Variants in GALNT2 observed in about 807,000 individuals in gnomAD.
GALNT2 encodes the protein UDP-GalNAc:polypeptide N-acetylgalactosaminyltransferase 2.
A neutral mutation model predicts 81.4 loss-of-function variants in GALNT2; 31 were observed. The observed-to-expected ratio is 0.38, with a 90% CI of 0.29 to 0.51. GALNT2 has a LOEUF of 0.51. Among genes scored for constraint, GALNT2 ranks in the 20% least tolerant of loss-of-function variants. GALNT2 has a pLI of 0.87. For missense variants in GALNT2, 629 were observed against 765.7 expected (o/e 0.82, Z 2.11); for synonymous variants, 303 against 287.4 (o/e 1.05, Z -0.55).
chr1:230,246,005 T>C (rs536039518), intron 7 of GALNT2, 58 bp from the exon 8 acceptor site: 1 of 1,401,168 alleles, frequency 7.1e-7, no homozygotes, highest in Admixed American at 1.7e-5. Flanking sequence ...CTTCTGTGGT[T>C]GGGCAGGTTT....
intron 1 of GALNT2, among the ~76,000 whole-genome samples, chr1:230,177,430 T>TATAA (rs1663018542): frequency 6.6e-6 from 1 of 152,274 alleles, no homozygotes; most frequent in Admixed American, 6.5e-5. Flanking sequence ...ATGGCTTATT[T>TATAA]CTGATTTGGG....
At chr1:230,064,377 G>A (rs1659116184), upstream of GALNT2, among the ~76,000 whole-genome samples, 1 of 152,218 alleles carries the variant, frequency 6.6e-6, no homozygotes, top group Admixed American at 6.5e-5. Flanking sequence ...TTCCTCAGCT[G>A]TCTCTTGGTT....
At chr1:230,199,301 G>A (rs921896300) in intron 2 of GALNT2, among the ~76,000 whole-genome samples, 1 of 152,116 alleles carries the variant, frequency 6.6e-6, no homozygotes, top group African/African-American at 2.4e-5. Flanking sequence ...GCTGGGACGC[G>A]TGTGCCCTCT....
intron 3 of GALNT2, among the ~76,000 whole-genome samples, chr1:230,223,490 A>T (rs1439382391): frequency 1.3e-5 from 2 of 150,930 alleles, no homozygotes; most frequent in Non-Finnish European, 2.9e-5. Flanking sequence ...TTTTTTTGAG[A>T]TGGAGTCTTA....
chr1:230,075,656 CT>C, intron 1 of GALNT2, among the ~76,000 whole-genome samples: 1 of 152,272 alleles, frequency 6.6e-6, no homozygotes, highest in East Asian at 1.9e-4. Context: ...ACACGGAATC[CT>C]TGTGGTCTTG....
intron 1 of GALNT2, among the ~76,000 whole-genome samples, chr1:230,106,822 A>G (rs1051401075): frequency 1.3e-5 from 2 of 152,220 alleles, no homozygotes; most frequent in Non-Finnish European, 2.9e-5. Context: ...TCATGCTCAC[A>G]GGTGCCTTAG....
intron 1 of GALNT2, among the ~76,000 whole-genome samples, chr1:230,082,727 A>G (rs1178321736): frequency 6.6e-6 from 1 of 152,240 alleles, no homozygotes; most frequent in Non-Finnish European, 1.5e-5. Flanking sequence ...TACGCACTGG[A>G]GTGCTAGTTA....
At chr1:230,204,897 C>T (rs1664013658) in intron 3 of GALNT2, among the ~76,000 whole-genome samples, 1 of 152,128 alleles carries the variant, frequency 6.6e-6, no homozygotes, top group Non-Finnish European at 1.5e-5. Flanking sequence ...GCAGGTGCAC[C>T]AGGAAGTGAG....
At chr1:230,228,668 T>C (rs1299897172) in intron 3 of GALNT2, among the ~76,000 whole-genome samples, 1 of 152,074 alleles carries the variant, frequency 6.6e-6, no homozygotes, top group Admixed American at 6.5e-5. Flanking sequence ...CCTGCACCCA[T>C]ACCACGCTGC....
chr1:230,094,124 A>C (rs1205653064), intron 1 of GALNT2, among the ~76,000 whole-genome samples: 1 of 148,776 alleles, frequency 6.7e-6, no homozygotes, highest in East Asian at 2.0e-4. Flanking sequence ...CAGCATCCTG[A>C]GTAGCTAAGA....
At chr1:230,232,328 T>C (rs1291203398) in intron 3 of GALNT2, among the ~76,000 whole-genome samples, 1 of 152,186 alleles carries the variant, frequency 6.6e-6, no homozygotes, top group African/African-American at 2.4e-5. Flanking sequence ...GCCTTATGAA[T>C]ATGTAGATGA....
chr1:230,266,311 C>CATG (rs1272786379), intron 14 of GALNT2, among the ~76,000 whole-genome samples: 64 of 152,312 alleles, frequency 4.2e-4, no homozygotes, highest in African/African-American at 1.3e-3. Context: ...ATTCTAAAAA[C>CATG]AGTTTTCCCA....
intron 1 of GALNT2, among the ~76,000 whole-genome samples, chr1:230,159,805 C>T (rs149275867): frequency 1.2e-4 from 18 of 152,218 alleles, no homozygotes; most frequent in African/African-American, 4.1e-4. Flanking sequence ...GTGCAATGAC[C>T]CTCCTCTTCC....
At chr1:230,277,537 C>T (rs1326549057) in intron 15 of GALNT2, among the ~76,000 whole-genome samples, 1 of 152,188 alleles carries the variant, frequency 6.6e-6, no homozygotes, top group East Asian at 1.9e-4. Context: ...TGATTGACAG[C>T]AACGAGGGAG....
chr1:230,103,004 G>C (rs1660445800), intron 1 of GALNT2, among the ~76,000 whole-genome samples: 1 of 152,190 alleles, frequency 6.6e-6, no homozygotes, highest in South Asian at 2.1e-4. Flanking sequence ...TTGAGGTTAA[G>C]CCCGAGGTCC....
At chr1:230,233,378 G>T (rs1375012443) in intron 3 of GALNT2, among the ~76,000 whole-genome samples, 1 of 152,218 alleles carries the variant, frequency 6.6e-6, no homozygotes, top group Non-Finnish European at 1.5e-5. Context: ...ACTTTGGGAG[G>T]CCAAGGCAGG....
rs1299579411 is a variant in GALNT2 at position 230,172,919 on chromosome 1, G to C, written c.127-5299G>C. On this transcript the variant is annotated intron_variant, in intron 1 of 15. Coordinates refer to ENST00000366672, the MANE Select transcript of GALNT2 (RefSeq NM_004481.5). Reference sequence around the variant, plus strand: ...AGAGATAGGATGAATTTGAGCTGCTGTGCTCTCTGATTATGGCAGGTAAGT... The same window carrying C: ...AGAGATAGGATGAATTTGAGCTGCTCTGCTCTCTGATTATGGCAGGTAAGT... Among the ~76,000 whole-genome samples the C allele has an allele frequency of 2.0e-5, 3 of 152,206 alleles. No homozygotes were observed. In the South Asian group the frequency reaches 6.2e-4, roughly 31 times the overall value.
At chr1:230,204,162 CTTTTTCTT>C (rs1324745315) in intron 3 of GALNT2, among the ~76,000 whole-genome samples, 68 of 146,636 alleles carry the variant, frequency 4.6e-4, no homozygotes, top group African/African-American at 1.6e-3. Context: ...TTTTCTTTTT[CTTTTTCTT>C]TTTTTTTTTG....
upstream of GALNT2, among the ~76,000 whole-genome samples, chr1:230,066,898 C>T (rs1390077353): frequency 6.9e-6 from 1 of 145,070 alleles, no homozygotes; most frequent in Non-Finnish European, 1.5e-5. Flanking sequence ...CGCTGAGGGG[C>T]GGGCGGCCGG....
Sources: gnomAD v4.1 joint callset for allele counts (sites outside exome capture counted in the v4.1 genomes callset) on GRCh38, gnomAD v4.1.1 for gene constraint, MANE v1.5 for transcripts, NCBI Gene and HGNC (gene_info 2026-07-23, HGNC 2026-07-21) for gene names.